GPC3: variants seen among roughly 807,000 people sequenced by gnomAD.
The protein encoded by GPC3 is glypican 3.
A neutral mutation model predicts 34.4 loss-of-function variants in GPC3; 3 were observed. The ratio of observed to expected loss-of-function variants is 0.09; its 90% CI spans 0.04 to 0.23. The LOEUF (loss-of-function observed/expected upper bound fraction) is 0.23, where lower values mean the gene tolerates loss of function less well. GPC3 is among the 10% of genes least tolerant of loss of function. GPC3 has a pLI of 1.00. For synonymous variants in GPC3, 177 were observed against 174.0 expected (o/e 1.02, Z -0.13); for missense variants, 351 against 445.6 (o/e 0.79, Z 1.91).
chrX:133,823,929 G>A lies in GPC3; in HGVS notation c.338-69753C>T, dbSNP rs1313195350. On this transcript the variant is annotated intron_variant, in intron 2 of 7. Coordinates refer to ENST00000370818, the MANE Select transcript of GPC3 (RefSeq NM_004484.4). ...GCAGAGGTTGTAGTGAGCCAAGATC[G>A]TGCCACTGCACTCTAGCCTGGGTGA... Among the ~76,000 whole-genome samples the A allele has an allele frequency of 4.7e-5, 5 of 106,243 alleles. No individual in the cohort carries two copies. The East Asian group carries it at 8.8e-4, about 19-fold the overall frequency. 92.3% of individuals were successfully genotyped at this position (106,243 alleles called of 115,157 possible).
chrX:133,823,627 G>T (rs902379083), intron 2 of GPC3, among the ~76,000 whole-genome samples: 1 of 111,343 alleles, frequency 9.0e-6, no homozygotes, highest in African/African-American at 3.3e-5. Flanking sequence ...CAATATAAAA[G>T]GGGGATGGAA....
chrX:133,839,038 G>C (rs1179125378), intron 2 of GPC3, among the ~76,000 whole-genome samples: 1 of 111,394 alleles, frequency 9.0e-6, no homozygotes, highest in Non-Finnish European at 1.9e-5. Flanking sequence ...AGTGCTGACT[G>C]GTTGCTCAGA....
At chrX:133,617,419 C>G (rs1418680327) in intron 6 of GPC3, among the ~76,000 whole-genome samples, 1 of 112,347 alleles carries the variant, frequency 8.9e-6, no homozygotes, top group East Asian at 2.8e-4. Flanking sequence ...TGTAACTTAG[C>G]CTCTTTGCAT....
chrX:133,967,136 C>G (rs972921770), intron 1 of GPC3, among the ~76,000 whole-genome samples: 24 of 111,797 alleles, frequency 2.1e-4, no homozygotes, highest in Admixed American at 6.6e-4. Flanking sequence ...TCCAAAACAC[C>G]CACACGTACA....
rs2069607082 is a variant in GPC3 at position 133,569,408 on chromosome X, G to A, written c.1573+27032C>T. Among the ~76,000 whole-genome samples the A allele has an allele frequency of 3.6e-5, 4 of 111,287 alleles. No individual in the cohort carries two copies. The South Asian group carries it at 1.5e-3, about 43-fold the overall frequency. On this transcript the variant is annotated intron_variant, in intron 7 of 7. Transcript: ENST00000370818. ...CTATGGGACACTGAGGGCAGGGGGT[G>A]GGTCTGTGTGTGACTGATTTGGAAA...
In GPC3 at chrX:133,736,803, A is replaced by C. The variant is rs1211445093; in HGVS notation, c.1032+16679T>G. 3.6e-5 allele frequency among the ~76,000 whole-genome samples: 4 copies of C among 111,864 alleles called. No individual in the cohort carries two copies. The Admixed American group carries it at 3.8e-4, about 11-fold the overall frequency. On this transcript the variant is annotated intron_variant, in intron 3 of 7. Coordinates refer to ENST00000370818, the MANE Select transcript of GPC3 (RefSeq NM_004484.4). ...TGATGCAAATCTTCTAATATTGATT[A>C]TGGTAATGGTTGCACAGCTCCATGA...
chrX:133,869,323 GGGT>G (rs1347937326), intron 2 of GPC3, among the ~76,000 whole-genome samples: 1 of 111,802 alleles, frequency 8.9e-6, no homozygotes, highest in Non-Finnish European at 1.9e-5. Flanking sequence ...AAGAACACAG[GGGT>G]TTTGGACATA....
chrX:133,704,459 C>T (rs1196055713), intron 3 of GPC3, among the ~76,000 whole-genome samples: 1 of 105,908 alleles, frequency 9.4e-6, no homozygotes, highest in African/African-American at 3.3e-5. Flanking sequence ...GAAAGGAAGA[C>T]CCAAAGAAAT....
At chrX:133,775,907 C>T (rs1311115664) in intron 2 of GPC3, among the ~76,000 whole-genome samples, 2 of 111,399 alleles carry the variant, frequency 1.8e-5, no homozygotes, top group Non-Finnish European at 3.8e-5. Flanking sequence ...AAGGTGCATA[C>T]CCAAAACTAT....
intron 7 of GPC3, among the ~76,000 whole-genome samples, chrX:133,558,697 C>A (rs2069515167): frequency 9.1e-6 from 1 of 109,671 alleles, no homozygotes; most frequent in African/African-American, 3.3e-5. Context: ...TCAAGACCAG[C>A]CTGGCCAAGA....
intron 2 of GPC3, among the ~76,000 whole-genome samples, chrX:133,776,588 T>C (rs2071983187): frequency 8.9e-6 from 1 of 111,903 alleles, no homozygotes; most frequent in African/African-American, 3.3e-5. Context: ...TGTTATCAAT[T>C]TTCTGAGTCA....
chrX:133,939,017 C>A (rs910017156), intron 2 of GPC3, among the ~76,000 whole-genome samples: 6 of 111,755 alleles, frequency 5.4e-5, no homozygotes, highest in African/African-American at 1.6e-4. Context: ...CTTTCTTAAG[C>A]AAAGTTTAAT....
At chrX:133,903,150 CA>C (rs61507100) in intron 2 of GPC3, among the ~76,000 whole-genome samples, 187 of 88,075 alleles carry the variant, frequency 2.1e-3, no homozygotes, top group Middle Eastern at 6.6e-3. Flanking sequence ...GACTCTGTCT[CA>C]AAAAAAAAAA....
At chrX:133,695,513 A>G (rs1358406519) in intron 4 of GPC3, among the ~76,000 whole-genome samples, 1 of 111,824 alleles carries the variant, frequency 8.9e-6, no homozygotes, top group African/African-American at 3.3e-5. Flanking sequence ...GTTCTCTAGT[A>G]TGGGGAGGGA....
chrX:133,700,206 G>A (rs1365670711), intron 3 of GPC3, among the ~76,000 whole-genome samples, 178 bp from the exon 4 acceptor site: 1 of 111,945 alleles, frequency 8.9e-6, no homozygotes, highest in East Asian at 2.8e-4. Flanking sequence ...AAAGAAGGCT[G>A]GAGACGGGGA....
chrX:133,817,310 C>T (rs189174358), intron 2 of GPC3, among the ~76,000 whole-genome samples: 1 of 111,589 alleles, frequency 9.0e-6, no homozygotes, highest in Non-Finnish European at 1.9e-5. Flanking sequence ...GCTTGCTAAC[C>T]CTCTTTGTAT....
intron 7 of GPC3, among the ~76,000 whole-genome samples, chrX:133,567,864 T>A (rs895760009): frequency 8.9e-6 from 1 of 112,122 alleles, no homozygotes; most frequent in Non-Finnish European, 1.9e-5. Flanking sequence ...TATATACACA[T>A]AAAATATTTA....
At chrX:133,945,414 G>A (rs1010461711) in intron 2 of GPC3, among the ~76,000 whole-genome samples, 1 of 110,436 alleles carries the variant, frequency 9.1e-6, no homozygotes, top group Admixed American at 9.6e-5. Flanking sequence ...AATAATTTGA[G>A]TTTGAGTTTA....
rs769289455 is a variant in GPC3, at chrX:133,582,882, G to C, written c.1573+13558C>G. Among the ~76,000 whole-genome samples the C allele has an allele frequency of 4.5e-5, 5 of 110,987 alleles. No individual in the cohort carries two copies. The East Asian group carries it at 1.1e-3, about 25-fold the overall frequency. ...CAATCAGCACTAACTGCTTGTAGCCGGGGGGAGGGCTCTGTCCTGGGTTTG... is the reference window on the plus strand; with the variant it reads ...CAATCAGCACTAACTGCTTGTAGCCCGGGGGAGGGCTCTGTCCTGGGTTTG... On this transcript the variant is annotated intron_variant, in intron 7 of 7. Coordinates refer to ENST00000370818, the MANE Select transcript of GPC3 (RefSeq NM_004484.4).
Sources: allele counts gnomAD v4.1 joint callset (sites outside exome capture counted in the v4.1 genomes callset), GRCh38; gene constraint gnomAD v4.1.1; transcripts MANE v1.5; gene names NCBI Gene and HGNC (gene_info 2026-07-23, HGNC 2026-07-21).